STK32B: variants seen among roughly 807,000 people sequenced by gnomAD.
STK32B encodes serine/threonine-protein kinase 32B.
STK32B carries 43 observed loss-of-function variants against 52.6 expected under a neutral mutation model. That is an observed-to-expected ratio of 0.82 (90% CI 0.64 to 1.05). STK32B has a LOEUF of 1.05. Ranked by LOEUF, STK32B falls within the 50% of genes least tolerant of loss-of-function variation. STK32B has a pLI of 0.00. For synonymous variants in STK32B, 238 were observed against 204.3 expected (o/e 1.17, Z -1.41); for missense variants, 621 against 534.6 (o/e 1.16, Z -1.59).
chr4:5,240,181 A>G (rs935635278), intron 3 of STK32B, among the ~76,000 whole-genome samples: 14 of 151,134 alleles, frequency 9.3e-5, no homozygotes, highest in Non-Finnish European at 1.5e-4. Flanking sequence ...GGTTCATGGA[A>G]TTTTTTTACT....
At chr4:5,418,873 G>C (rs1284975519) in intron 6 of STK32B, among the ~76,000 whole-genome samples, 1 of 152,200 alleles carries the variant, frequency 6.6e-6, no homozygotes, top group East Asian at 1.9e-4. Context: ...GTATTGCAGT[G>C]GGGGAGGAGG....
chr4:5,455,068 G>A (rs1345770746), intron 7 of STK32B, among the ~76,000 whole-genome samples: 3 of 152,116 alleles, frequency 2.0e-5, no homozygotes, highest in Admixed American at 6.5e-5. Context: ...GTGCCACTCA[G>A]GAAAAAAAGC....
chr4:5,318,045 A>T (rs1200501595), intron 3 of STK32B, among the ~76,000 whole-genome samples: 1 of 152,116 alleles, frequency 6.6e-6, no homozygotes, highest in Non-Finnish European at 1.5e-5. Context: ...GAAGTTTGAG[A>T]ACCACTGGTA....
At chr4:5,296,353 A>C (rs1729196790) in intron 3 of STK32B, among the ~76,000 whole-genome samples, 1 of 152,120 alleles carries the variant, frequency 6.6e-6, no homozygotes. Flanking sequence ...TCTAATATGG[A>C]AAGTGAGGTG....
intron 4 of STK32B, among the ~76,000 whole-genome samples, chr4:5,343,135 T>A (rs1158818269): frequency 7.9e-6 from 1 of 126,974 alleles, no homozygotes; most frequent in East Asian, 2.8e-4. Context: ...GTGTGTGATA[T>A]TCCCCTTCCT....
At chr4:5,023,780 G>A in the STK32B span, among the ~76,000 whole-genome samples, 1 of 152,098 alleles carries the variant, frequency 6.6e-6, no homozygotes, top group African/African-American at 2.4e-5. Context: ...TTCTAAAGCA[G>A]AAATTCAATC....
chr4:5,446,660 C>T lies in STK32B; in HGVS notation c.563-13C>T. ...GATACACAATGATGTTCTCCTTGTC[C>T]TCTCGTTGGCAGCTCCAGAAGTATT... is the stretch of plus-strand genomic sequence containing the variant. On this transcript the variant is annotated splice_polypyrimidine_tract_variant and intron_variant, in intron 6 of 11. Transcript: ENST00000282908. 1 of 1,613,194 alleles carries T rather than the reference C, an allele frequency of 6.2e-7. No individual in the cohort carries two copies. Among genetic ancestry groups the T allele is most frequent in the Non-Finnish European group, 8.5e-7 (1 of 1,179,286 alleles).
At position 5,460,501 on chromosome 4, in the gene STK32B, G is replaced by A. The variant is rs376762722; in HGVS notation, c.909+273G>A. On this transcript the variant is annotated intron_variant, in intron 9 of 11. Transcript: ENST00000282908. This position sits in a 1 kb window ranked among gnomAD's most constrained non-coding sequence, Gnocchi z 4.8. ...CCTCCAGGTGCTCAGGTCCAGGTGT[G>A]GGGATAGCAGGCTGATCTACCCTTC... Among the ~76,000 whole-genome samples the A allele has an allele frequency of 8.5e-5, 13 of 152,288 alleles. No individual in the cohort carries two copies. Among genetic ancestry groups the A allele is most frequent in the Middle Eastern group, 3.4e-3 (1 of 294 alleles).
chr4:5,198,516 G>A (rs1721878517), intron 3 of STK32B, among the ~76,000 whole-genome samples: 1 of 152,182 alleles, frequency 6.6e-6, no homozygotes, highest in African/African-American at 2.4e-5. Flanking sequence ...GGGTACTGAA[G>A]GACAAGGGGA....
chr4:5,243,757 A>G (rs60075951), intron 3 of STK32B, among the ~76,000 whole-genome samples: 12,139 of 152,060 alleles, frequency 0.08, 721 homozygotes, highest in African/African-American at 0.17. Flanking sequence ...TGTCCCATCA[A>G]TACCTAATTT....
intron 6 of STK32B, chr4:5,436,711 A>C: frequency 7.2e-6 from 7 of 970,614 alleles, no homozygotes; most frequent in Non-Finnish European, 8.6e-6. Flanking sequence ...GCTGAATATC[A>C]CTGTGACAGT....
intron 3 of STK32B, among the ~76,000 whole-genome samples, chr4:5,239,626 C>T (rs1237470940): frequency 6.6e-6 from 1 of 152,070 alleles, no homozygotes; most frequent in African/African-American, 2.4e-5. Flanking sequence ...CAAGGCTGAG[C>T]CACAAGTGGT....
At chr4:5,418,766 TA>T (rs1349418533) in intron 6 of STK32B, among the ~76,000 whole-genome samples, 1 of 152,250 alleles carries the variant, frequency 6.6e-6, no homozygotes, top group Non-Finnish European at 1.5e-5. Flanking sequence ...TTGTGCCTTA[TA>T]AGGCACTGTA....
At chr4:5,486,208 G>A (rs1274262885) in intron 11 of STK32B, among the ~76,000 whole-genome samples, 4 of 152,174 alleles carry the variant, frequency 2.6e-5, no homozygotes, top group Non-Finnish European at 5.9e-5. Flanking sequence ...AGGCAGGCTG[G>A]CCTCCTTGAG....
At chr4:5,168,534 C>G (rs147017335) in intron 3 of STK32B, 84 bp downstream of exon 3, 2 of 1,439,896 alleles carry the variant, frequency 1.4e-6, no homozygotes, top group African/African-American at 2.8e-5. Context: ...GGGACTCTTC[C>G]GCATTGTAAA....
intron 3 of STK32B, among the ~76,000 whole-genome samples, chr4:5,206,562 G>T (rs1722589371): frequency 6.6e-6 from 1 of 152,140 alleles, no homozygotes; most frequent in Non-Finnish European, 1.5e-5. Flanking sequence ...GCTGGCGAGA[G>T]AGTGCCTGGC....
chr4:5,284,022 A>G (rs1345073146), intron 3 of STK32B, among the ~76,000 whole-genome samples: 1 of 152,214 alleles, frequency 6.6e-6, no homozygotes, highest in Non-Finnish European at 1.5e-5. Flanking sequence ...TTACAACACA[A>G]GACTATTCAA....
chr4:5,329,653 T>G (rs139019409), intron 3 of STK32B, among the ~76,000 whole-genome samples: 32 of 152,330 alleles, frequency 2.1e-4, no homozygotes, highest in African/African-American at 6.3e-4. Flanking sequence ...GAAGACAGTT[T>G]CTTTGTCCCA....
chr4:5,159,632 T>TGA lies in STK32B; in HGVS notation c.109-8667_109-8666insGA, dbSNP rs1386153558. The stretch of plus-strand genomic sequence containing the variant: ...ATGAATATATATGAATATATATGAA[T>TGA]ATATATATGAATGTATATGAATATA... On this transcript the variant is annotated intron_variant, in intron 2 of 11. Coordinates refer to ENST00000282908, the MANE Select transcript of STK32B (RefSeq NM_018401.3). 3.2e-3 allele frequency among the ~76,000 whole-genome samples: 258 copies of TGA among 80,040 alleles called. 30 individuals carry two copies. The highest frequency in any genetic ancestry group is 5.4e-3 in the African/African-American group (70 of 13,014). The allele number at this position is 80,040 out of a possible 152,430, so 52.5% of individuals were successfully genotyped here. A position where few individuals can be genotyped will look rare whatever the true frequency, so the allele number is the denominator to read the frequency against.
Sources: allele counts gnomAD v4.1 joint callset (sites outside exome capture counted in the v4.1 genomes callset), GRCh38; gene constraint gnomAD v4.1.1; non-coding constraint Gnocchi (gnomAD v3.1); transcripts MANE v1.5; gene names NCBI Gene and HGNC (gene_info 2026-07-23, HGNC 2026-07-21).